RXYLT1: variants seen among roughly 807,000 people sequenced by gnomAD.
The protein encoded by RXYLT1 is ribitol xylosyltransferase 1.
In RXYLT1, 41 loss-of-function variants were observed where a neutral mutation model predicts 43.5. That is an observed-to-expected ratio of 0.94 (90% CI 0.73 to 1.22). The LOEUF (loss-of-function observed/expected upper bound fraction) is 1.22, where lower values mean the gene tolerates loss of function less well. RXYLT1 is among the 50% of genes most tolerant of loss of function. The pLI is 0.00. For missense variants in RXYLT1, 514 were observed against 532.0 expected, an observed-to-expected ratio of 0.97 and a Z score of 0.33; for synonymous variants, 166 against 194.4, an observed-to-expected ratio of 0.85 and a Z score of 1.21.
intron 3 of RXYLT1, among the ~76,000 whole-genome samples, chr12:63,796,963 C>CTTTT (rs776895611): frequency 6.8e-5 from 9 of 132,326 alleles, no homozygotes; most frequent in East Asian, 2.2e-4. Flanking sequence ...TTTTCTTTTT[C>CTTTT]TTTTTTTTTT....
intron 3 of RXYLT1, among the ~76,000 whole-genome samples, chr12:63,801,305 T>C (rs1938992330): frequency 6.6e-6 from 1 of 152,200 alleles, no homozygotes; most frequent in African/African-American, 2.4e-5. Flanking sequence ...TATAATGCCA[T>C]TCTTCGTTTC....
intron 3 of RXYLT1, among the ~76,000 whole-genome samples, chr12:63,794,329 C>G (rs1897981975): frequency 6.6e-6 from 1 of 152,138 alleles, no homozygotes; most frequent in Admixed American, 6.6e-5. Context: ...AGTTCTTGTT[C>G]TCAGTTTCTT....
At chr12:63,789,472 T>G (rs1897875971) in intron 3 of RXYLT1, among the ~76,000 whole-genome samples, 2 of 152,124 alleles carry the variant, frequency 1.3e-5, no homozygotes, top group Non-Finnish European at 2.9e-5. Context: ...AAGATGAGAT[T>G]TGGGTGGGGA....
intron 3 of RXYLT1, among the ~76,000 whole-genome samples, chr12:63,793,108 T>C (rs1042554523): frequency 1.1e-4 from 17 of 152,214 alleles, no homozygotes; most frequent in Non-Finnish European, 2.2e-4. Context: ...TTTTAGAAAT[T>C]CTTATCTATG....
At chr12:63,807,581 T>G (rs555661822) in intron 5 of RXYLT1, 2 of 152,334 alleles carry the variant, frequency 1.3e-5, no homozygotes, top group African/African-American at 4.8e-5. Context: ...TTTTTTCTTT[T>G]GAGACTGAGT....
At chr12:63,800,159 CTT>C (rs895184567) in intron 3 of RXYLT1, among the ~76,000 whole-genome samples, 25 of 152,280 alleles carry the variant, frequency 1.6e-4, no homozygotes, top group African/African-American at 6.0e-4. Context: ...TATGGAAAAA[CTT>C]AAGCTCTGAA....
chr12:63,796,759 C>T (rs1374973332), intron 3 of RXYLT1, among the ~76,000 whole-genome samples: 1 of 151,964 alleles, frequency 6.6e-6, no homozygotes, highest in Admixed American at 6.6e-5. Flanking sequence ...AAGAAAACCT[C>T]ATAAAAATCC....
intron 5 of RXYLT1, chr12:63,807,821 A>C (rs1027067535): frequency 6.6e-6 from 1 of 152,438 alleles, no homozygotes; most frequent in South Asian, 2.1e-4. Flanking sequence ...CCTTGGCCTC[A>C]TGAAGTGCTG....
chr12:63,786,303 G>A (rs1271136134), intron 3 of RXYLT1, among the ~76,000 whole-genome samples: 1 of 152,114 alleles, frequency 6.6e-6, no homozygotes, highest in African/African-American at 2.4e-5. Flanking sequence ...ACTCCCAAAA[G>A]AAAGCCAAAT....
intron 3 of RXYLT1, among the ~76,000 whole-genome samples, chr12:63,796,703 G>T (rs1029479570): frequency 1.3e-5 from 2 of 152,016 alleles, no homozygotes; most frequent in Non-Finnish European, 2.9e-5. Flanking sequence ...TTGGAACAAA[G>T]AATTAAATTG....
chr12:63,796,285 C>T (rs1056849065), intron 3 of RXYLT1, among the ~76,000 whole-genome samples: 2 of 152,164 alleles, frequency 1.3e-5, no homozygotes, highest in Admixed American at 6.5e-5. Flanking sequence ...GAAACAACAT[C>T]GTGTCATCCT....
At chr12:63,786,091 G>A (rs536527471) in intron 3 of RXYLT1, among the ~76,000 whole-genome samples, 1 of 152,264 alleles carries the variant, frequency 6.6e-6, no homozygotes, top group African/African-American at 2.4e-5. Context: ...GGATTTGGGT[G>A]TGTGAAAGTA....
At position 63,781,156 on chromosome 12, in the gene RXYLT1, TG is replaced by T; in HGVS notation, c.311del (p.Gly104AlafsTer23). On this transcript the variant is annotated frameshift_variant, in exon 2 of 6. Coordinates refer to ENST00000261234, the MANE Select transcript of RXYLT1 (RefSeq NM_014254.3). LOFTEE classifies it high-confidence loss of function. ...KGKTDLSVQI[W>X]GKAAIGLYLW... ...AAAAACAGATCTCAGTGTACAAATC[TG>T]GGGCAAAGCTGCCATTGGTAAGTTA... 2 of 1,579,076 alleles carry T rather than the reference TG, an allele frequency of 1.3e-6. No individual in the cohort carries two copies. Among genetic ancestry groups the T allele is most frequent in the Non-Finnish European group, 1.7e-6 (2 of 1,165,366 alleles).
At chr12:63,787,635 G>GTT (rs111363436) in intron 3 of RXYLT1, among the ~76,000 whole-genome samples, 2 of 148,704 alleles carry the variant, frequency 1.3e-5, no homozygotes, top group African/African-American at 2.5e-5. Context: ...GTTGTTTGTT[G>GTT]TTTTTTTTTT....
Position 63,805,098 on chromosome 12 carries a change from G to GA in RXYLT1, c.744-132dup, listed in dbSNP as rs1400755166. 19 of 602,034 alleles carry GA rather than the reference G, an allele frequency of 3.2e-5. 1 individual carries two copies. Among genetic ancestry groups the GA allele is most frequent in the Admixed American group, 1.2e-4 (3 of 25,442 alleles). The allele number at this position is 602,034 out of a possible 1,614,324, so 37.3% of individuals were successfully genotyped here. On this transcript the variant is annotated intron_variant, in intron 4 of 5. Transcript: ENST00000261234. ...CAGGGAGTTTTCCAAAGTATTCATG[G>GA]AAAATTACAATTTGAGATTTAGAAA...
chr12:63,805,333 C>G lies in RXYLT1; in HGVS notation c.843C>G (p.Ser281=). 1 of 1,612,820 alleles carries G rather than the reference C, an allele frequency of 6.2e-7. No homozygotes were observed. The highest frequency in any genetic ancestry group is 8.5e-7 in the Non-Finnish European group (1 of 1,179,526). ...TAGGAACGATTTATGAAAATTCATC[C>G]AGACAGGCACTAATGAACATTTTGA... ...NFLGTIYENS[S]RQALMNILKK... is the part of the protein sequence containing the mutation. Residue 281 remains serine, a synonymous_variant, in exon 5 of 6, where the codon TCC becomes TCG. Coordinates refer to ENST00000261234, the MANE Select transcript of RXYLT1 (RefSeq NM_014254.3).
chr12:63,785,213 A>T lies in RXYLT1; in HGVS notation c.428+141A>T. 8.1e-6 allele frequency: 4 copies of T among 491,298 alleles called. No individual in the cohort carries two copies. In the Admixed American group the frequency reaches 1.1e-4, roughly 13 times the overall value. 30.4% of individuals were successfully genotyped at this position (491,298 alleles called of 1,614,324 possible). A position where few individuals can be genotyped will look rare whatever the true frequency, so the allele number is the denominator to read the frequency against. ...CAACTTGTAAAGAATAGAGAAGTAA[A>T]TCTCATGAATATGTATTCATAATTA... On this transcript the variant is annotated intron_variant, in intron 3 of 5. Transcript: ENST00000261234.
At chr12:63,786,073 C>A (rs533891957) in intron 3 of RXYLT1, among the ~76,000 whole-genome samples, 3 of 152,034 alleles carry the variant, frequency 2.0e-5, no homozygotes, top group African/African-American at 7.2e-5. Context: ...AATAGACTTA[C>A]AATGGTTGGA....
At chr12:63,784,845 C>T (rs1897764685) in intron 2 of RXYLT1, 125 bp from the exon 3 acceptor site, 3 of 715,552 alleles carry the variant, frequency 4.2e-6, no homozygotes, top group African/African-American at 1.8e-5. Context: ...TGCCAACGGC[C>T]CAAAGGAGAG....
Sources: allele counts gnomAD v4.1 joint callset (sites outside exome capture counted in the v4.1 genomes callset), GRCh38; gene constraint gnomAD v4.1.1; transcripts MANE v1.5; gene names NCBI Gene and HGNC (gene_info 2026-07-23, HGNC 2026-07-21).